The following PRKAG2 variants were observed in gnomAD, a reference collection of about 807,000 sequenced individuals.
The protein encoded by PRKAG2 is 5'-AMP-activated protein kinase subunit gamma-2.
In PRKAG2, 26 loss-of-function variants were observed where a neutral mutation model predicts 69.6. That is an observed-to-expected ratio of 0.37 (90% CI 0.27 to 0.52). The LOEUF is 0.52. PRKAG2 is among the 20% of genes least tolerant of loss of function. PRKAG2 has a pLI of 0.90. For synonymous variants in PRKAG2, 293 were observed against 285.0 expected, an observed-to-expected ratio of 1.03 and a Z score of -0.28; for missense variants, 557 against 740.0, an observed-to-expected ratio of 0.75 and a Z score of 2.87.
rs61746358 is a variant in PRKAG2, at chr7:151,781,368, G to C, written c.250C>G (p.Arg84Gly). 1 of 1,613,010 alleles carries C rather than the reference G, an allele frequency of 6.2e-7. No homozygotes were observed. Among genetic ancestry groups the C allele is most frequent in the Non-Finnish European group, 8.5e-7 (1 of 1,179,652 alleles). The change falls in exon 3 of 16, where the codon CGG (arginine) becomes GGG (glycine). Residue 84 changes from arginine to glycine, a missense_variant. By Grantham distance (125) the Arg-to-Gly change is moderately radical. Around this residue, in one of 2 missense-constraint regions of PRKAG2, gnomAD observed 352 missense variants for 356.7 expected, o/e 0.99. Transcript: ENST00000287878. This position sits in a 1 kb window ranked among gnomAD's most constrained non-coding sequence, Gnocchi z 6.1. ...GGTGCAGACATGGGGCTGGAGGGCC[G>C]GGGCTGGGGGCCTCTGGAGAAGAAC... ...KGFFSRGPQP[R>G]PSSPMSAPVR... is the part of the protein sequence containing the mutation.
At chr7:151,714,956 AT>A (rs1183798299) in intron 3 of PRKAG2, among the ~76,000 whole-genome samples, 1 of 151,808 alleles carries the variant, frequency 6.6e-6, no homozygotes, top group East Asian at 2.0e-4. Flanking sequence ...TCTCAAAAAA[AT>A]AATAAATAAG....
At position 151,719,484 on chromosome 7, in the gene PRKAG2, G is replaced by A. The variant is rs944951326; in HGVS notation, c.467-43847C>T. ...TGCTCCCAGCCAATGCCTAAGCGCC[G>A]GGTGCTGGGTCACCCTGAGACTCTC... On this transcript the variant is annotated intron_variant, in intron 3 of 15. Transcript: ENST00000287878. This position sits in a 1 kb window ranked among gnomAD's most constrained non-coding sequence, Gnocchi z 5.2. 1.7e-4 allele frequency among the ~76,000 whole-genome samples: 26 copies of A among 152,052 alleles called. No homozygotes were observed. The highest frequency in any genetic ancestry group is 1.5e-3 in the Admixed American group (23 of 15,278).
intron 1 of PRKAG2, among the ~76,000 whole-genome samples, chr7:151,856,594 G>A (rs1007330585): frequency 6.6e-6 from 1 of 152,232 alleles, no homozygotes; most frequent in African/African-American, 2.4e-5. Flanking sequence ...TGTAAAAACC[G>A]GGTGAATACT....
At chr7:151,624,332 A>G (rs999076920) in intron 5 of PRKAG2, among the ~76,000 whole-genome samples, 1 of 151,822 alleles carries the variant, frequency 6.6e-6, no homozygotes, top group South Asian at 2.1e-4. Flanking sequence ...ATTTATTTTT[A>G]TAGAGAGAGG....
chr7:151,691,945 G>A (rs1055369250), intron 3 of PRKAG2, among the ~76,000 whole-genome samples: 8 of 152,148 alleles, frequency 5.3e-5, no homozygotes, highest in African/African-American at 1.9e-4. Context: ...ACAGCACTTT[G>A]GGAGGTTGAA....
At chr7:151,558,274 G>T in intron 15 of PRKAG2, 2 of 985,470 alleles carry the variant, frequency 2.0e-6, no homozygotes, top group Non-Finnish European at 2.4e-6. Flanking sequence ...ATCACCACTA[G>T]TACCTTCTAA....
At chr7:151,731,168 T>C (rs923557753) in intron 3 of PRKAG2, among the ~76,000 whole-genome samples, 4 of 152,262 alleles carry the variant, frequency 2.6e-5, no homozygotes, top group African/African-American at 9.6e-5. Context: ...TTATTATTGT[T>C]GCCACATACC....
intron 4 of PRKAG2, among the ~76,000 whole-genome samples, chr7:151,650,481 C>A (rs1828308346): frequency 6.6e-6 from 1 of 152,064 alleles, no homozygotes; most frequent in Non-Finnish European, 1.5e-5. Context: ...TCGCTGTGTT[C>A]CTAAAGATCT....
At position 151,690,481 on chromosome 7, in the gene PRKAG2, C is replaced by T. The variant is rs971773463; in HGVS notation, c.467-14844G>A. 7.9e-5 allele frequency among the ~76,000 whole-genome samples: 12 copies of T among 152,288 alleles called. No individual in the cohort carries two copies. In the East Asian group the frequency reaches 2.1e-3, roughly 27 times the overall value. On this transcript the variant is annotated intron_variant, in intron 3 of 15. Transcript: ENST00000287878. ...TGCTCTGTTATTCTTGGTCAATCTG[C>T]AGAAGGCAGGCCGGATACTCCACAA... is the stretch of plus-strand genomic sequence containing the variant.
intron 1 of PRKAG2, among the ~76,000 whole-genome samples, chr7:151,848,510 G>GTTTTT (rs2079490600): frequency 1.2e-5 from 1 of 83,988 alleles, no homozygotes; most frequent in Non-Finnish European, 2.3e-5. Flanking sequence ...AATACTGCAT[G>GTTTTT]TCTTTTTTTT....
At chr7:151,660,540 T>C (rs1208943041) in intron 4 of PRKAG2, among the ~76,000 whole-genome samples, 2 of 152,246 alleles carry the variant, frequency 1.3e-5, no homozygotes, top group Non-Finnish European at 2.9e-5. Context: ...GAACCAGTAG[T>C]TTGCTTTATA....
chr7:151,647,847 C>T (rs1007082245), intron 4 of PRKAG2, among the ~76,000 whole-genome samples: 12 of 152,060 alleles, frequency 7.9e-5, no homozygotes, highest in East Asian at 3.8e-4. Context: ...CTGGAGTCAG[C>T]GGGGACATTG....
chr7:151,783,890 G>A (rs910360512), intron 2 of PRKAG2, among the ~76,000 whole-genome samples: 1 of 142,036 alleles, frequency 7.0e-6, no homozygotes, highest in East Asian at 2.0e-4. Context: ...AGCCAGCTTG[G>A]GTACAGAGCA....
At position 151,820,339 on chromosome 7, in the gene PRKAG2, C is replaced by A. The variant is rs570932961; in HGVS notation, c.115-33798G>T. On this transcript the variant is annotated intron_variant, in intron 1 of 15. Transcript: ENST00000287878. ...CGCTCCTACCCCCATCACGATTACT[C>A]CTCCACACCCACTGCCGTGGGCTCC... Among the ~76,000 whole-genome samples the A allele has an allele frequency of 1.6e-4, 24 of 151,830 alleles. 1 individual carries two copies. Among genetic ancestry groups the A allele is most frequent in the African/African-American group, 5.6e-4 (23 of 41,050 alleles).
At chr7:151,741,896 C>T (rs1483691672) in intron 3 of PRKAG2, among the ~76,000 whole-genome samples, 2 of 152,144 alleles carry the variant, frequency 1.3e-5, no homozygotes, top group Non-Finnish European at 2.9e-5. Context: ...AAATTCCTGT[C>T]CTCTAAGAAC....
At chr7:151,765,108 G>A (rs572728456) in intron 3 of PRKAG2, among the ~76,000 whole-genome samples, 1 of 152,284 alleles carries the variant, frequency 6.6e-6, no homozygotes, top group East Asian at 1.9e-4. Flanking sequence ...ATCTGTATTA[G>A]TCCGTTCTCA....
chr7:151,579,461 G>C (rs1320910267), intron 6 of PRKAG2, among the ~76,000 whole-genome samples: 1 of 152,172 alleles, frequency 6.6e-6, no homozygotes, highest in Non-Finnish European at 1.5e-5. Flanking sequence ...ACCTATGCCA[G>C]AAAGTTCTGA....
At chr7:151,840,159 C>T (rs914311306) in intron 1 of PRKAG2, among the ~76,000 whole-genome samples, 1 of 152,156 alleles carries the variant, frequency 6.6e-6, no homozygotes, top group Non-Finnish European at 1.5e-5. Context: ...ATCTAAGTTA[C>T]TTGTTAGGAG....
At chr7:151,646,696 A>C (rs1356758422) in intron 4 of PRKAG2, among the ~76,000 whole-genome samples, 2 of 152,166 alleles carry the variant, frequency 1.3e-5, no homozygotes, top group African/African-American at 2.4e-5. Flanking sequence ...CATAACTCTG[A>C]TTCTTATCAA....
Sources: gnomAD v4.1 joint callset for allele counts (sites outside exome capture counted in the v4.1 genomes callset) on GRCh38, gnomAD v4.1.1 for gene constraint, gnomAD v4.1.1 regional missense constraint, Gnocchi (gnomAD v3.1) non-coding constraint, MANE v1.5 for transcripts, NCBI Gene and HGNC (gene_info 2026-07-23, HGNC 2026-07-21) for gene names.